Variants in PCDHGA3 observed in about 807,000 individuals in gnomAD.
PCDHGA3 encodes the protein protocadherin gamma subfamily A, 3, also known as protocadherin gamma-A3.
Under a neutral mutation model 58.5 loss-of-function variants are expected in PCDHGA3, and 40 were observed. The observed-to-expected ratio is 0.68, with a 90% CI of 0.53 to 0.89. PCDHGA3 has a LOEUF of 0.89. PCDHGA3 is among the 40% of genes least tolerant of loss of function. The probability of loss-of-function intolerance (pLI) is 0.00; values close to 1 mark genes in which losing one functional copy is unlikely to be tolerated. For missense variants in PCDHGA3, 1,223 were observed against 1,195.9 expected (o/e 1.02, Z -0.33); for synonymous variants, 530 against 525.7 (o/e 1.01, Z -0.11).
At chr5:141,428,164 T>C (rs1221973020) in intron 1 of PCDHGA3, 1 of 1,564,976 alleles carries the variant, frequency 6.4e-7, no homozygotes, top group South Asian at 1.1e-5. Flanking sequence ...TGCTGGTTGC[T>C]GTGCGTGACG....
At position 141,344,980 on chromosome 5, in the gene PCDHGA3, A is replaced by T. The variant is rs1757500081; in HGVS notation, c.947A>T (p.Glu316Val). The change falls in exon 1 of 4, where the codon GAA becomes GTA. Residue 316 changes from glutamate to valine, a missense_variant. Glu to Val is a moderately radical substitution (Grantham distance 121, BLOSUM62 -2). Transcript: ENST00000253812. Reference sequence around the variant, plus strand: ...GATTATGAGGATGCCATGTTCTATGAAATTAAAATTGAAGCACAGGATGGA... The same window carrying T: ...GATTATGAGGATGCCATGTTCTATGTAATTAAAATTGAAGCACAGGATGGA... ...SLDYEDAMFY[E>V]IKIEAQDGPG... 2 of 1,613,920 alleles carry T rather than the reference A, an allele frequency of 1.2e-6. No individual in the cohort carries two copies. The highest frequency in any genetic ancestry group is 1.7e-6 in the Non-Finnish European group (2 of 1,179,824).
Position 141,413,600 on chromosome 5 carries a change from T to A in PCDHGA3, c.2424+67143T>A, listed in dbSNP as rs767830855. ...GCTCCAAAATTCCAAGCAGAAAATC[T>A]AGACGTAAAAATTAATGAAAATGTC... On this transcript the variant is annotated intron_variant, in intron 1 of 3. Transcript: ENST00000253812. 2.4e-5 allele frequency: 39 copies of A among 1,613,750 alleles called. No homozygotes were observed. Among genetic ancestry groups the A allele is most frequent in the Non-Finnish European group, 3.3e-5 (39 of 1,179,908 alleles).
intron 1 of PCDHGA3, chr5:141,402,830 G>A: frequency 7.4e-7 from 1 of 1,346,490 alleles, no homozygotes; most frequent in Non-Finnish European, 9.8e-7. Flanking sequence ...CTCCCAGGCT[G>A]CAGCAAAACT....
chr5:141,453,288 A>G (rs931678565), intron 1 of PCDHGA3, among the ~76,000 whole-genome samples: 1 of 151,342 alleles, frequency 6.6e-6, no homozygotes, highest in Non-Finnish European at 1.5e-5. Context: ...TAATTTTTTA[A>G]TTATTTATTT....
intron 1 of PCDHGA3, chr5:141,484,855 G>T (rs1178318896): frequency 3.9e-6 from 1 of 257,336 alleles, no homozygotes; most frequent in East Asian, 8.3e-5. Context: ...GTTTTTTGGG[G>T]GGTGGGGGAG....
At chr5:141,402,087 A>G (rs1388054772) in intron 1 of PCDHGA3, among the ~76,000 whole-genome samples, 1 of 152,224 alleles carries the variant, frequency 6.6e-6, no homozygotes, top group Non-Finnish European at 1.5e-5. Context: ...GAAATAGCAG[A>G]AAAGTTTAAG....
chr5:141,416,098 G>A (rs745507614), intron 1 of PCDHGA3: 19 of 160,674 alleles, frequency 1.2e-4, no homozygotes, highest in Non-Finnish European at 8.1e-5. Flanking sequence ...AAGGGCAATA[G>A]GCCTTTTTCA....
intron 1 of PCDHGA3, chr5:141,441,810 C>T (rs2098275091): frequency 6.4e-5 from 24 of 372,574 alleles, no homozygotes; most frequent in Middle Eastern, 7.2e-4. Flanking sequence ...GGTGCTGTAC[C>T]CCAGCTCTGG....
At chr5:141,430,883 G>T in intron 1 of PCDHGA3, 1 of 1,601,036 alleles carries the variant, frequency 6.2e-7, no homozygotes, top group Non-Finnish European at 8.5e-7. Context: ...GCTGGAGAAA[G>T]GCTCTAGGGT....
At chr5:141,456,336 G>A (rs2098850873) in intron 1 of PCDHGA3, among the ~76,000 whole-genome samples, 1 of 152,242 alleles carries the variant, frequency 6.6e-6, no homozygotes, top group Non-Finnish European at 1.5e-5. Context: ...TGATCTAAGG[G>A]TCCTCGGAAG....
At chr5:141,402,580 T>C (rs1217508250) in intron 1 of PCDHGA3, among the ~76,000 whole-genome samples, 3 of 152,226 alleles carry the variant, frequency 2.0e-5, no homozygotes, top group South Asian at 4.1e-4. Context: ...CTCAGATATC[T>C]AAAAAATAGA....
chr5:141,378,847 A>G (rs1235220529), intron 1 of PCDHGA3: 2 of 152,214 alleles, frequency 1.3e-5, no homozygotes, highest in Non-Finnish European at 2.9e-5. Flanking sequence ...AGAGTTTTTG[A>G]CTGTCAATGA....
chr5:141,450,181 C>A (rs2098672863), intron 1 of PCDHGA3, among the ~76,000 whole-genome samples: 1 of 151,572 alleles, frequency 6.6e-6, no homozygotes, highest in African/African-American at 2.4e-5. Flanking sequence ...CCACACCCAG[C>A]TAATTTTTGT....
At chr5:141,351,676 C>T in intron 1 of PCDHGA3, 1 of 1,614,012 alleles carries the variant, frequency 6.2e-7, no homozygotes, top group Non-Finnish European at 8.5e-7. Context: ...AAGTAAGCGC[C>T]TCCGACCCGG....
intron 1 of PCDHGA3, chr5:141,385,543 C>G (rs1284826303): frequency 7.6e-7 from 1 of 1,322,422 alleles, no homozygotes; most frequent in Non-Finnish European, 9.7e-7. Context: ...AATATGTGGA[C>G]TATCACATTT....
rs754462129 is a variant in PCDHGA3, at chr5:141,490,693, G to T, written c.2425-4114G>T. 6.2e-7 allele frequency: 1 copy of T among 1,614,170 alleles called. No homozygotes were observed. Among genetic ancestry groups the T allele is most frequent in the South Asian group, 1.1e-5 (1 of 91,072 alleles). On this transcript the variant is annotated intron_variant, in intron 1 of 3. Transcript: ENST00000253812. This position sits in a 1 kb window ranked among gnomAD's most constrained non-coding sequence, Gnocchi z 5.4. Reference sequence around the variant, plus strand: ...GGCTGCCTCAGATCCAGACACTGGGGATAATGCCCGCCTCACCTACTCCAT... The same window carrying T: ...GGCTGCCTCAGATCCAGACACTGGGTATAATGCCCGCCTCACCTACTCCAT...
At position 141,491,423 on chromosome 5, in the gene PCDHGA3, G is replaced by A; in HGVS notation, c.2425-3384G>A. The A allele has an allele frequency of 3.1e-6, 5 of 1,614,126 alleles. No homozygotes were observed. Among genetic ancestry groups the A allele is most frequent in the Non-Finnish European group, 4.2e-6 (5 of 1,180,036 alleles). ...AACGCAGACGGGGACGGGGGTGGAGGGCAGTGCTGCAGGCGCCAGGACTCA... is the reference window on the plus strand; with the variant it reads ...AACGCAGACGGGGACGGGGGTGGAGAGCAGTGCTGCAGGCGCCAGGACTCA... On this transcript the variant is annotated intron_variant, in intron 1 of 3. Transcript: ENST00000253812. The surrounding 1 kb of genome is among the most constrained non-coding windows in gnomAD (Gnocchi z 6.9).
intron 1 of PCDHGA3, chr5:141,426,871 A>G (rs887250057): frequency 2.2e-6 from 1 of 456,722 alleles, no homozygotes; most frequent in Non-Finnish European, 4.4e-6. Flanking sequence ...GTGCTGGAGA[A>G]GCCCCTGGGC....
At chr5:141,389,567 G>A in intron 1 of PCDHGA3, 1 of 1,613,250 alleles carries the variant, frequency 6.2e-7, no homozygotes, top group South Asian at 1.1e-5. Flanking sequence ...CACGGGTGCT[G>A]TACCCCGCGC....
Sources: allele counts gnomAD v4.1 joint callset (sites outside exome capture counted in the v4.1 genomes callset), GRCh38; gene constraint gnomAD v4.1.1; non-coding constraint Gnocchi (gnomAD v3.1); transcripts MANE v1.5; gene names NCBI Gene and HGNC (gene_info 2026-07-23, HGNC 2026-07-21).